Variants in MAST2 observed in about 807,000 individuals in gnomAD.
The protein encoded by MAST2 is microtubule-associated serine/threonine-protein kinase 2.
A neutral mutation model predicts 147.4 loss-of-function variants in MAST2; 70 were observed. The observed-to-expected ratio is 0.47, with a 90% confidence interval of 0.39 to 0.58. The LOEUF (loss-of-function observed/expected upper bound fraction) is 0.58. Among genes scored for constraint, MAST2 ranks in the 20% least tolerant of loss-of-function variants. The pLI is 0.00. For synonymous variants in MAST2, 869 were observed against 896.8 expected (o/e 0.97, Z 0.55); for missense variants, 2,080 against 2,302.3 (o/e 0.90, Z 1.98).
At chr1:45,903,932 T>C (rs1250205736) in intron 4 of MAST2, among the ~76,000 whole-genome samples, 3 of 152,238 alleles carry the variant, frequency 2.0e-5, no homozygotes, top group Admixed American at 6.5e-5. Context: ...GCTAAGTTTT[T>C]GCTAATTTGT....
chr1:45,962,579 G>C (rs868104724), intron 5 of MAST2, among the ~76,000 whole-genome samples: 1 of 152,190 alleles, frequency 6.6e-6, no homozygotes. Flanking sequence ...CTTTTGAGAA[G>C]TGTCTGTTCA....
rs762803738 is a variant in MAST2, at chr1:46,034,917, C to G, written c.4248C>G (p.Ala1416=). 1 of 1,614,050 alleles carries G rather than the reference C, an allele frequency of 6.2e-7. No individual in the cohort carries two copies. The highest frequency in any genetic ancestry group is 1.3e-5 in the African/African-American group (1 of 74,926). ...CTGAGAAACTGGCAGCAGCACTTGCCGCCTCTGAGAAGAAGCTAGCCACTT... is the reference window on the plus strand; with the variant it reads ...CTGAGAAACTGGCAGCAGCACTTGCGGCCTCTGAGAAGAAGCTAGCCACTT... ...QSAEKLAAAL[A]ASEKKLATSR... Residue 1416 remains alanine, a synonymous_variant, in exon 29 of 29, where the codon GCC becomes GCG. Coordinates refer to ENST00000361297, the MANE Select transcript of MAST2 (RefSeq NM_015112.3).
At chr1:45,898,955 G>A (rs1649241439) in intron 4 of MAST2, among the ~76,000 whole-genome samples, 1 of 152,206 alleles carries the variant, frequency 6.6e-6, no homozygotes, top group Non-Finnish European at 1.5e-5. Context: ...CTTTTAACAG[G>A]CCAGATTTCC....
chr1:45,839,129 A>AATTTTTTTTT lies in MAST2; in HGVS notation c.468+9548_468+9549insATTTTTTTTT, dbSNP rs1491416691. Among the ~76,000 whole-genome samples the AATTTTTTTTT allele has an allele frequency of 1.4e-4, 18 of 127,624 alleles. 1 individual carries two copies. The highest frequency in any genetic ancestry group is 5.6e-4 in the African/African-American group (18 of 32,088). The allele number at this position is 127,624 out of a possible 152,430, so 83.7% of individuals were successfully genotyped here. A position where few individuals can be genotyped will look rare whatever the true frequency, so the allele number is the denominator to read the frequency against. On this transcript the variant is annotated intron_variant, in intron 3 of 28. Transcript: ENST00000361297. ...GCTGGGACTACAGGCACCATCACAA[A>AATTTTTTTTT]TTTTTTTTTTTTTTTTTGAGACGGA...
rs1646262266 is a variant in MAST2, at chr1:46,023,209, C to A, written c.1486-24C>A. On this transcript the variant is annotated intron_variant, in intron 13 of 28. Transcript: ENST00000361297. This position sits in a 1 kb window ranked among gnomAD's most constrained non-coding sequence, Gnocchi z 4.9. ...TGGGCTCTGAGAAGCATGCCTGTCT[C>A]CTGCCTTTTCCCTTGTCTTCCAGGG... 1 of 1,603,932 alleles carries A rather than the reference C, an allele frequency of 6.2e-7. No homozygotes were observed. Among genetic ancestry groups the A allele is most frequent in the Non-Finnish European group, 8.5e-7 (1 of 1,170,692 alleles).
At chr1:46,011,509 A>G (rs1645714661) in intron 10 of MAST2, among the ~76,000 whole-genome samples, 1 of 152,194 alleles carries the variant, frequency 6.6e-6, no homozygotes, top group Admixed American at 6.5e-5. Context: ...AGCACATGAG[A>G]GTTCTTAAGC....
chr1:45,884,032 C>T (rs927692554), intron 4 of MAST2, among the ~76,000 whole-genome samples: 3 of 145,204 alleles, frequency 2.1e-5, no homozygotes, highest in African/African-American at 7.7e-5. Context: ...AATGTGTGTC[C>T]TCAATGAATG....
chr1:45,999,752 A>G (rs1005218326), intron 6 of MAST2, among the ~76,000 whole-genome samples: 2 of 152,192 alleles, frequency 1.3e-5, no homozygotes, highest in Admixed American at 6.5e-5. Flanking sequence ...TAAACATTCA[A>G]TCTAAAGGGG....
intron 5 of MAST2, among the ~76,000 whole-genome samples, chr1:45,985,371 G>A (rs1007129139): frequency 2.0e-5 from 3 of 152,132 alleles, no homozygotes; most frequent in Non-Finnish European, 4.4e-5. Flanking sequence ...TGGGATTACA[G>A]GCGTGAGCCA....
chr1:46,003,189 C>T (rs1053675272), intron 7 of MAST2, among the ~76,000 whole-genome samples: 1 of 152,166 alleles, frequency 6.6e-6, no homozygotes, highest in Non-Finnish European at 1.5e-5. Flanking sequence ...GACTCCTAAG[C>T]ACACTTCCCC....
intron 5 of MAST2, among the ~76,000 whole-genome samples, chr1:45,960,088 A>G (rs1350784836): frequency 6.6e-6 from 1 of 152,142 alleles, no homozygotes; most frequent in Non-Finnish European, 1.5e-5. Flanking sequence ...TTGTTTCATA[A>G]TGATACTGAT....
intron 4 of MAST2, among the ~76,000 whole-genome samples, chr1:45,893,636 G>A (rs1045442409): frequency 6.7e-6 from 1 of 150,020 alleles, no homozygotes; most frequent in African/African-American, 2.4e-5. Flanking sequence ...CTAAACTTTT[G>A]TTTCCTAAAA....
intron 3 of MAST2, among the ~76,000 whole-genome samples, chr1:45,838,215 CTTTTT>C (rs61696475): frequency 6.4e-4 from 63 of 97,930 alleles, no homozygotes; most frequent in East Asian, 4.0e-3. Context: ...TATATATATT[CTTTTT>C]TTTTTTTTTT....
intron 3 of MAST2, among the ~76,000 whole-genome samples, chr1:45,879,958 C>T (rs1243023198): frequency 6.6e-6 from 1 of 152,128 alleles, no homozygotes; most frequent in Non-Finnish European, 1.5e-5. Context: ...TTAATGTGAA[C>T]ATAACATGTA....
At chr1:45,910,090 T>C (rs1464568391) in intron 4 of MAST2, among the ~76,000 whole-genome samples, 3 of 150,824 alleles carry the variant, frequency 2.0e-5, no homozygotes, top group Non-Finnish European at 1.5e-5. Flanking sequence ...AGTAATTGTG[T>C]AAGTACTTTT....
At position 46,008,487 on chromosome 1, in the gene MAST2, G is replaced by A. The variant is rs559196483; in HGVS notation, c.978+116G>A. On this transcript the variant is annotated intron_variant, in intron 9 of 28. Coordinates refer to ENST00000361297, the MANE Select transcript of MAST2 (RefSeq NM_015112.3). ...AAGTGCTACCTCCAGAGATAACCAA[G>A]AAGAAGAACAGAAAGTCAGCCAGGA... is the stretch of plus-strand genomic sequence containing the variant. The A allele has an allele frequency of 4.3e-6, 3 of 690,678 alleles. No homozygotes were observed. The East Asian group carries it at 7.9e-5, about 18-fold the overall frequency. The allele number at this position is 690,678 out of a possible 1,614,324, so 42.8% of individuals were successfully genotyped here.
intron 4 of MAST2, among the ~76,000 whole-genome samples, chr1:45,900,112 G>A (rs1405502218): frequency 6.9e-6 from 1 of 145,584 alleles, no homozygotes; most frequent in Admixed American, 7.0e-5. Flanking sequence ...AGTGGTTGCA[G>A]TGAGCCGAGA....
intron 4 of MAST2, among the ~76,000 whole-genome samples, chr1:45,901,540 C>T (rs116017228): frequency 2.0e-4 from 30 of 152,070 alleles, no homozygotes; most frequent in African/African-American, 6.5e-4. Context: ...CTGTGAAAAA[C>T]GACATTGGTA....
chr1:46,035,417 T>C lies in MAST2; in HGVS notation c.4748T>C (p.Leu1583Pro). 6.2e-7 allele frequency: 1 copy of C among 1,612,346 alleles called. No homozygotes were observed. The highest frequency in any genetic ancestry group is 8.5e-7 in the Non-Finnish European group (1 of 1,179,588). The change falls in exon 29 of 29, where the codon CTC (leucine) becomes CCC (proline). Residue 1583 changes from leucine to proline, a missense_variant. Around this residue, in one of 4 missense-constraint regions of MAST2, gnomAD observed 1,278 missense variants for 1,304.2 expected, o/e 0.98. Transcript: ENST00000361297. The surrounding 1 kb of genome is among the most constrained non-coding windows in gnomAD (Gnocchi z 5.5). ...MESPSGPHRRLGSPQAIEEAA... is the reference protein window; with the variant it reads ...MESPSGPHRRPGSPQAIEEAA... ...AGTCCCAGTGGTCCCCACAGGAGGC[T>C]CGGGAGCCCACAAGCCATTGAGGAG...
Sources: gnomAD v4.1 joint callset for allele counts (sites outside exome capture counted in the v4.1 genomes callset) on GRCh38, gnomAD v4.1.1 for gene constraint, gnomAD v4.1.1 regional missense constraint, Gnocchi (gnomAD v3.1) non-coding constraint, MANE v1.5 for transcripts, NCBI Gene and HGNC (gene_info 2026-07-23, HGNC 2026-07-21) for gene names.